Variants in NRG3 observed in about 807,000 individuals in gnomAD.
NRG3 encodes neuregulin 3, also known as pro-neuregulin-3, membrane-bound isoform.
NRG3 carries 31 observed loss-of-function variants against 66.9 expected under a neutral mutation model. That is an observed-to-expected ratio of 0.46 (90% confidence interval 0.35 to 0.63). The LOEUF (loss-of-function observed/expected upper bound fraction) is 0.63, where lower values mean the gene tolerates loss of function less well. Ranked by LOEUF, NRG3 falls within the 20% of genes least tolerant of loss-of-function variation. NRG3 has a pLI of 0.00. For synonymous variants in NRG3, 393 were observed against 359.4 expected, an observed-to-expected ratio of 1.09 and a Z score of -1.06; for missense variants, 910 against 878.9, an observed-to-expected ratio of 1.04 and a Z score of -0.45.
intron 4 of NRG3, among the ~76,000 whole-genome samples, chr10:82,894,674 C>T (rs1314363437): frequency 2.6e-5 from 4 of 152,042 alleles, no homozygotes; most frequent in African/African-American, 9.7e-5. Flanking sequence ...GAAATATTCC[C>T]GAGAACCCTT....
intron 1 of NRG3, among the ~76,000 whole-genome samples, chr10:82,281,701 C>T (rs2079129992): frequency 6.6e-6 from 1 of 152,088 alleles, no homozygotes; most frequent in Non-Finnish European, 1.5e-5. Context: ...GAGGTGCTTT[C>T]CCTGATATGG....
At chr10:82,837,803 G>T (rs949763650) in intron 3 of NRG3, among the ~76,000 whole-genome samples, 2 of 152,122 alleles carry the variant, frequency 1.3e-5, no homozygotes, top group African/African-American at 4.8e-5. Flanking sequence ...CTGAAAAAAT[G>T]CTTGTCATGA....
intron 1 of NRG3, among the ~76,000 whole-genome samples, chr10:82,322,084 ATTC>A (rs1052041094): frequency 5.9e-5 from 9 of 152,174 alleles, no homozygotes; most frequent in African/African-American, 2.2e-4. Flanking sequence ...TACAGTTTTT[ATTC>A]TTCTAGGAAT....
At chr10:82,413,991 A>C (rs562001810) in intron 2 of NRG3, among the ~76,000 whole-genome samples, 1 of 152,242 alleles carries the variant, frequency 6.6e-6, no homozygotes, top group South Asian at 2.1e-4. Context: ...ATTAGCAATA[A>C]GGCTTTTTTG....
chr10:82,495,841 C>CACACACACACACAA (rs1843581431), intron 2 of NRG3, among the ~76,000 whole-genome samples: 2 of 151,712 alleles, frequency 1.3e-5, no homozygotes, highest in African/African-American at 4.8e-5. Flanking sequence ...CACACACACA[C>CACACACACACACAA]AAAGATGCAA....
intron 1 of NRG3, among the ~76,000 whole-genome samples, chr10:82,005,832 C>T (rs1339740128): frequency 1.3e-5 from 2 of 151,856 alleles, no homozygotes; most frequent in African/African-American, 4.8e-5. Flanking sequence ...GTAGTCTACC[C>T]TTACACTGGT....
chr10:82,031,513 A>G (rs995014235), intron 1 of NRG3, among the ~76,000 whole-genome samples: 1 of 152,152 alleles, frequency 6.6e-6, no homozygotes, highest in Non-Finnish European at 1.5e-5. Flanking sequence ...ATTTCACTGT[A>G]CATGGTTTAT....
At chr10:82,470,582 T>C (rs1023858134) in intron 2 of NRG3, among the ~76,000 whole-genome samples, 2 of 152,214 alleles carry the variant, frequency 1.3e-5, no homozygotes, top group Non-Finnish European at 2.9e-5. Flanking sequence ...GACTGCCTAA[T>C]GGCACTTTGC....
At chr10:82,624,892 GATAAAT>G (rs563252116) in intron 2 of NRG3, among the ~76,000 whole-genome samples, 35 of 145,222 alleles carry the variant, frequency 2.4e-4, no homozygotes, top group African/African-American at 8.5e-4. Context: ...AAGAAAGGAT[GATAAAT>G]ATAAATATAT....
At chr10:82,141,059 C>T (rs1221952176) in intron 1 of NRG3, among the ~76,000 whole-genome samples, 1 of 151,866 alleles carries the variant, frequency 6.6e-6, no homozygotes, top group Non-Finnish European at 1.5e-5. Flanking sequence ...TATGGGGAAC[C>T]AGTTGAAGGA....
intron 1 of NRG3, among the ~76,000 whole-genome samples, chr10:82,195,662 A>G (rs1171071317): frequency 2.6e-5 from 4 of 152,310 alleles, no homozygotes; most frequent in Middle Eastern, 3.4e-3. Flanking sequence ...GTTATTTGAC[A>G]TGGCAAGAGG....
intron 1 of NRG3, among the ~76,000 whole-genome samples, chr10:81,946,969 G>C (rs1388815396): frequency 6.6e-6 from 1 of 152,114 alleles, no homozygotes; most frequent in Non-Finnish European, 1.5e-5. Flanking sequence ...CCACAAACTG[G>C]GTGGCTTAGA....
At chr10:82,514,248 A>G (rs77676599) in intron 2 of NRG3, among the ~76,000 whole-genome samples, 133 of 152,282 alleles carry the variant, frequency 8.7e-4, no homozygotes, top group African/African-American at 3.1e-3. Flanking sequence ...CATTTCTGTC[A>G]TGAAGTCTTT....
intron 2 of NRG3, among the ~76,000 whole-genome samples, chr10:82,396,178 G>A (rs1318434786): frequency 6.6e-6 from 1 of 152,078 alleles, no homozygotes; most frequent in East Asian, 1.9e-4. Flanking sequence ...ATATCCCCAA[G>A]AGTTTTCTTA....
chr10:82,354,139 A>G (rs370687723), intron 1 of NRG3, among the ~76,000 whole-genome samples: 400 of 146,086 alleles, frequency 2.7e-3, no homozygotes, highest in African/African-American at 9.4e-3. Flanking sequence ...GGCTCAGGTG[A>G]TCCTCCCACC....
intron 2 of NRG3, among the ~76,000 whole-genome samples, chr10:82,604,788 TAAAC>T (rs1190569996): frequency 6.6e-6 from 1 of 152,176 alleles, no homozygotes; most frequent in African/African-American, 2.4e-5. Flanking sequence ...CAACTGAACT[TAAAC>T]AGGCAAATTT....
At chr10:82,802,754 A>G (rs1314273322) in intron 3 of NRG3, among the ~76,000 whole-genome samples, 1 of 151,990 alleles carries the variant, frequency 6.6e-6, no homozygotes, top group African/African-American at 2.4e-5. Flanking sequence ...CTGGGCTCCA[A>G]CCATCTGCCC....
intron 4 of NRG3, among the ~76,000 whole-genome samples, chr10:82,876,746 A>T (rs968063082): frequency 2.0e-5 from 3 of 152,138 alleles, no homozygotes; most frequent in Non-Finnish European, 4.4e-5. Context: ...AGAGAGAGCC[A>T]GGCATGGTGG....
At chr10:82,146,613 G>A (rs1564608731) in intron 1 of NRG3, among the ~76,000 whole-genome samples, 2 of 152,050 alleles carry the variant, frequency 1.3e-5, no homozygotes, top group African/African-American at 4.8e-5. Flanking sequence ...GCAGAGTGTG[G>A]TCCAATAATA....
Sources: gnomAD v4.1 joint callset for allele counts (sites outside exome capture counted in the v4.1 genomes callset) on GRCh38, gnomAD v4.1.1 for gene constraint, MANE v1.5 for transcripts, NCBI Gene and HGNC (gene_info 2026-07-23, HGNC 2026-07-21) for gene names.